Variants in MOV10L1 observed in about 807,000 individuals in gnomAD.
MOV10L1 encodes the protein Mov10 like RNA helicase 1.
A neutral mutation model predicts 143.8 loss-of-function variants in MOV10L1; 110 were observed. The observed-to-expected ratio is 0.76, with a 90% CI of 0.66 to 0.90. The LOEUF (loss-of-function observed/expected upper bound fraction) is 0.90, where lower values mean the gene tolerates loss of function less well. MOV10L1 is among the 40% of genes least tolerant of loss of function. MOV10L1 has a pLI of 0.00. For synonymous variants in MOV10L1, 593 were observed against 581.1 expected (o/e 1.02, Z -0.29); for missense variants, 1,406 against 1,526.8 (o/e 0.92, Z 1.32).
chr22:50,151,711 G>T (rs1253884625), intron 21 of MOV10L1, among the ~76,000 whole-genome samples: 1 of 152,364 alleles, frequency 6.6e-6, no homozygotes, highest in Middle Eastern at 3.4e-3. Context: ...GCCGCTGTGC[G>T]CCTGTACCCG....
intron 20 of MOV10L1, 128 bp from the exon 21 acceptor site, chr22:50,150,607 C>T (rs115890717): frequency 1.9e-6 from 2 of 1,070,140 alleles, no homozygotes; most frequent in African/African-American, 3.1e-5. Context: ...CTCCCAGTCC[C>T]TCCCGTCGTC....
At chr22:50,153,903 C>T (rs2063359706) in intron 22 of MOV10L1, among the ~76,000 whole-genome samples, 1 of 151,780 alleles carries the variant, frequency 6.6e-6, no homozygotes, top group Non-Finnish European at 1.5e-5. Context: ...CACGGGGAAC[C>T]CTGGTGCCAG....
chr22:50,135,490 C>T (rs896345323), intron 15 of MOV10L1, among the ~76,000 whole-genome samples: 7 of 151,868 alleles, frequency 4.6e-5, no homozygotes, highest in Non-Finnish European at 8.8e-5. Flanking sequence ...CAGTGGCTCA[C>T]GCCTGTAATC....
At chr22:50,125,317 TC>T in intron 10 of MOV10L1, 74 bp from the exon 11 acceptor site, 1 of 1,460,938 alleles carries the variant, frequency 6.8e-7, no homozygotes, top group South Asian at 1.3e-5. Context: ...GTTGGAACTT[TC>T]CTGCTCCGGA....
chr22:50,139,005 AT>A (rs59141099), intron 15 of MOV10L1, among the ~76,000 whole-genome samples: 1,663 of 144,578 alleles, frequency 0.012, 24 homozygotes, highest in African/African-American at 0.033. Flanking sequence ...CCAGGCCTGA[AT>A]TTTTTTTTTT....
intron 10 of MOV10L1, among the ~76,000 whole-genome samples, chr22:50,122,340 G>T (rs9617083): frequency 0.24 from 37,048 of 152,018 alleles, 4,758 homozygotes; most frequent in Admixed American, 0.36. Flanking sequence ...TCTCATAGCT[G>T]CCTTTTCAGA....
intron 21 of MOV10L1, among the ~76,000 whole-genome samples, chr22:50,151,756 C>T (rs1345613651): frequency 6.6e-6 from 1 of 152,202 alleles, no homozygotes; most frequent in South Asian, 2.1e-4. Context: ...GTGCAGGTGA[C>T]GTGGCCGCAG....
At chr22:50,146,910 A>C in intron 19 of MOV10L1, 4 of 678,762 alleles carry the variant, frequency 5.9e-6, no homozygotes, top group Non-Finnish European at 1.0e-5. Context: ...AAAATCCACC[A>C]TGTATTTTAC....
chr22:50,150,658 C>T (rs2063273509), intron 20 of MOV10L1, 77 bp from the exon 21 acceptor site: 3 of 1,517,300 alleles, frequency 2.0e-6, no homozygotes, highest in Non-Finnish European at 1.8e-6. Flanking sequence ...CTGCGCACAG[C>T]CCCATTCCCA....
intron 22 of MOV10L1, 91 bp downstream of exon 22, chr22:50,153,309 C>A: frequency 7.2e-7 from 1 of 1,382,794 alleles, no homozygotes; most frequent in Non-Finnish European, 9.9e-7. Context: ...CTGTCACCTG[C>A]CTGTGGCGGG....
At chr22:50,119,311 G>A (rs912847190) in intron 9 of MOV10L1, among the ~76,000 whole-genome samples, 17 of 152,144 alleles carry the variant, frequency 1.1e-4, no homozygotes, top group Non-Finnish European at 2.4e-4. Flanking sequence ...CAGGTGTCTG[G>A]ACCTGCCCAC....
chr22:50,128,476 G>A lies in MOV10L1; in HGVS notation c.1879G>A (p.Glu627Lys). 1 of 1,525,348 alleles carries A rather than the reference G, an allele frequency of 6.6e-7. No homozygotes were observed. The highest frequency in any genetic ancestry group is 9.0e-7 in the Non-Finnish European group (1 of 1,111,906). The allele number at this position is 1,525,348 out of a possible 1,614,324, so 94.5% of individuals were successfully genotyped here. ...AGAATTTGAACAAGCCTATAACTTT[G>A]AACCTATGGATGTGGAATTTACATA... ...NPEFEQAYNF[E>K]PMDVEFTYNR... The change falls in exon 13 of 27, where the codon GAA becomes AAA. Residue 627 changes from glutamate (E) to lysine (K), a missense_variant. Transcript: ENST00000262794.
rs768482423 is a variant in MOV10L1, at chr22:50,153,103, G to T, written c.2951G>T (p.Arg984Leu). 4 of 1,613,506 alleles carry T rather than the reference G, an allele frequency of 2.5e-6. No homozygotes were observed. The highest frequency in any genetic ancestry group is 1.3e-5 in the African/African-American group (1 of 74,930). Residue 984 changes from arginine to leucine, a missense_variant, in exon 22 of 27, where the codon CGG becomes CTG. By Grantham distance (102) the Arg-to-Leu change is moderately radical. Coordinates refer to ENST00000262794, the MANE Select transcript of MOV10L1 (RefSeq NM_018995.3). The stretch of plus-strand genomic sequence containing the variant: ...GAGGCCCTGCTGATGCTGCCCTCAC[G>T]GCTGTTCTACCACAGGGAACTCGAG... Reference protein sequence around the residue: ...SHEALLMLPSRLFYHRELEVC... With the variant: ...SHEALLMLPSLLFYHRELEVC...
chr22:50,141,990 A>G (rs1464044079), intron 15 of MOV10L1, 91 bp from the exon 16 acceptor site: 13 of 911,986 alleles, frequency 1.4e-5, no homozygotes, highest in Non-Finnish European at 2.2e-5. Context: ...TATACTAAGT[A>G]GAACACTAGA....
Position 50,150,811 on chromosome 22 carries a change from T to C in MOV10L1, c.2804T>C (p.Val935Ala), listed in dbSNP as rs1347769394. The change falls in exon 21 of 27, where the codon GTG becomes GCG. Residue 935 changes from valine (V) to alanine (A), a missense_variant. Physicochemically the swap from Val to Ala is moderately conservative, Grantham distance 64. Coordinates refer to ENST00000262794, the MANE Select transcript of MOV10L1 (RefSeq NM_018995.3). The stretch of plus-strand genomic sequence containing the variant: ...CTCGCCATGGCCTATGGGCTGAACG[T>C]GTCCTTTTTGGAACGGCTGATGTCT... Reference protein sequence around the residue: ...SRLAMAYGLNVSFLERLMSRP... With the variant: ...SRLAMAYGLNASFLERLMSRP... 6.2e-7 allele frequency: 1 copy of C among 1,614,072 alleles called. No homozygotes were observed. Among genetic ancestry groups the C allele is most frequent in the East Asian group, 2.2e-5 (1 of 44,902 alleles).
intron 18 of MOV10L1, among the ~76,000 whole-genome samples, chr22:50,144,634 T>C (rs542584144): frequency 6.6e-6 from 1 of 152,092 alleles, no homozygotes; most frequent in Non-Finnish European, 1.5e-5. Context: ...CAGGCTGAAG[T>C]GCAGTGGCAT....
intron 15 of MOV10L1, among the ~76,000 whole-genome samples, chr22:50,138,030 C>T (rs961624170): frequency 6.6e-6 from 1 of 151,634 alleles, no homozygotes; most frequent in African/African-American, 2.4e-5. Context: ...AAGGAAAAAC[C>T]ATATAATCAT....
chr22:50,125,404 T>C lies in MOV10L1; in HGVS notation c.1582T>C (p.Ser528Pro). The change falls in exon 11 of 27, where the codon TCA becomes CCA. Residue 528 changes from serine (S) to proline (P), a missense_variant. Ser to Pro is a moderately conservative substitution (Grantham distance 74). This residue lies in a region of MOV10L1 where 1,233 missense variants were observed against 1,351.4 expected (regional missense o/e 0.91). Transcript: ENST00000262794. ...QPLLAELLNMSNYKEKFSTLL... is the reference protein window; with the variant it reads ...QPLLAELLNMPNYKEKFSTLL... ...GGGTGTTTTCCAGCTTCTGAACATG[T>C]CAAATTACAAGGAGAAGTTTTCGAC... is the stretch of plus-strand genomic sequence containing the variant. 1 of 1,614,164 alleles carries C rather than the reference T, an allele frequency of 6.2e-7. No individual in the cohort carries two copies. Among genetic ancestry groups the C allele is most frequent in the Non-Finnish European group, 8.5e-7 (1 of 1,179,988 alleles).
intron 22 of MOV10L1, among the ~76,000 whole-genome samples, chr22:50,156,092 A>G (rs1268244904): frequency 6.6e-6 from 1 of 151,872 alleles, no homozygotes; most frequent in African/African-American, 2.4e-5. Flanking sequence ...AAATGTACAC[A>G]TAATATAAAA....
Sources: allele counts gnomAD v4.1 joint callset (sites outside exome capture counted in the v4.1 genomes callset), GRCh38; gene constraint gnomAD v4.1.1; regional missense constraint gnomAD v4.1.1; transcripts MANE v1.5; gene names NCBI Gene and HGNC (gene_info 2026-07-23, HGNC 2026-07-21).